The following ADGRA3 variants were observed in gnomAD, a reference collection of about 807,000 sequenced individuals.
ADGRA3 encodes adhesion G protein-coupled receptor A3.
A neutral mutation model predicts 119.8 loss-of-function variants in ADGRA3; 56 were observed. That is an observed-to-expected ratio of 0.47 (90% CI 0.38 to 0.58). ADGRA3 has a LOEUF of 0.58. ADGRA3 is among the 20% of genes least tolerant of loss of function. ADGRA3 has a pLI of 0.00. For synonymous variants in ADGRA3, 607 were observed against 623.8 expected, an observed-to-expected ratio of 0.97 and a Z score of 0.40; for missense variants, 1,516 against 1,649.0, an observed-to-expected ratio of 0.92 and a Z score of 1.40.
intron 1 of ADGRA3, among the ~76,000 whole-genome samples, chr4:22,512,129 G>T (rs1366342309): frequency 6.6e-6 from 1 of 151,794 alleles, no homozygotes. Context: ...TCGAACTCCC[G>T]GTCTCAAGTG....
intron 2 of ADGRA3, among the ~76,000 whole-genome samples, chr4:22,470,766 A>T (rs1319336068): frequency 6.6e-6 from 1 of 152,174 alleles, no homozygotes; most frequent in Non-Finnish European, 1.5e-5. Context: ...TCAGGGGGTG[A>T]CCCCAGAATG....
In ADGRA3 at chr4:22,407,266, G is replaced by T. The variant is rs971311593; in HGVS notation, c.2233-4467C>A. 6.6e-5 allele frequency among the ~76,000 whole-genome samples: 10 copies of T among 152,070 alleles called. No individual in the cohort carries two copies. The East Asian group carries it at 1.7e-3, about 26-fold the overall frequency. On this transcript the variant is annotated intron_variant, in intron 14 of 18. Transcript: ENST00000334304. Reference sequence around the variant, plus strand: ...AGCCTGGGCGACAGAGCAAGACTCCGCCTCAAAAAGAAAAAGAATATAAAA... The same window carrying T: ...AGCCTGGGCGACAGAGCAAGACTCCTCCTCAAAAAGAAAAAGAATATAAAA...
Position 22,435,396 on chromosome 4 carries a change from T to G in ADGRA3, c.1358A>C (p.Asn453Thr), listed in dbSNP as rs750997181. 1.9e-6 allele frequency: 3 copies of G among 1,613,682 alleles called. No individual in the cohort carries two copies. Reference protein sequence around the residue: ...QLLAYTVEAANFSDKMDVIFV... With the variant: ...QLLAYTVEAATFSDKMDVIFV... ...TATAACATCCATTTTGTCAGAAAAG[T>G]TGGCTGCTTCCACAGTGTAAGCCAG... The change falls in exon 10 of 19, where the codon AAC (asparagine) becomes ACC (threonine). Residue 453 changes from asparagine (N) to threonine (T), a missense_variant. Asn to Thr is a moderately conservative substitution (Grantham distance 65, BLOSUM62 0). Around this residue, in one of 2 missense-constraint regions of ADGRA3, gnomAD observed 1,088 missense variants for 1,107.1 expected, o/e 0.98. Coordinates refer to ENST00000334304, the MANE Select transcript of ADGRA3 (RefSeq NM_145290.4).
intron 1 of ADGRA3, among the ~76,000 whole-genome samples, chr4:22,501,908 A>G (rs551259218): frequency 1.5e-5 from 2 of 131,358 alleles, no homozygotes; most frequent in African/African-American, 5.9e-5. Context: ...CCCTGAGGGA[A>G]GAACTCGAAT....
intron 2 of ADGRA3, among the ~76,000 whole-genome samples, chr4:22,472,356 C>T (rs144052798): frequency 0.014 from 2,134 of 152,268 alleles, 19 homozygotes; most frequent in Non-Finnish European, 0.023. Context: ...AATGTCCATT[C>T]CTGAACCAGC....
chr4:22,415,854 CA>C (rs910718113), intron 12 of ADGRA3, among the ~76,000 whole-genome samples: 3 of 151,638 alleles, frequency 2.0e-5, no homozygotes, highest in African/African-American at 7.3e-5. Flanking sequence ...AAACAATGTA[CA>C]AAAAACCAGG....
rs553984951 is a variant in ADGRA3, at chr4:22,389,098, T to A, written c.2713A>T (p.Asn905Tyr). 2.5e-6 allele frequency: 4 copies of A among 1,613,952 alleles called. No homozygotes were observed. Among genetic ancestry groups the A allele is most frequent in the Non-Finnish European group, 3.4e-6 (4 of 1,179,848 alleles). Residue 905 changes from asparagine to tyrosine, a missense_variant, in exon 18 of 19, where the codon AAC (asparagine) becomes TAC (tyrosine). Asn to Tyr is a moderately radical substitution (Grantham distance 143). Around this residue, in one of 2 missense-constraint regions of ADGRA3, gnomAD observed 1,088 missense variants for 1,107.1 expected, o/e 0.98. Transcript: ENST00000334304. ...ANIKNYGSRP[N>Y]APYCWMAWEP... ...ATATAAAATACTCACTAGGGTGCGT[T>A]TGGCCGACTGCCGTAATTCTTAATG...
At chr4:22,409,276 C>A (rs79128805) in intron 14 of ADGRA3, among the ~76,000 whole-genome samples, 2 of 152,138 alleles carry the variant, frequency 1.3e-5, no homozygotes, top group Non-Finnish European at 1.5e-5. Flanking sequence ...CTCACAGATG[C>A]TCAATTAAAT....
chr4:22,484,239 A>T (rs1461901396), intron 1 of ADGRA3, among the ~76,000 whole-genome samples: 1 of 152,204 alleles, frequency 6.6e-6, no homozygotes, highest in Non-Finnish European at 1.5e-5. Context: ...CTGGGTAAAA[A>T]ATATACAGAG....
intron 2 of ADGRA3, among the ~76,000 whole-genome samples, chr4:22,466,281 A>C (rs1717654416): frequency 6.6e-6 from 1 of 152,104 alleles, no homozygotes; most frequent in Non-Finnish European, 1.5e-5. Flanking sequence ...AGATGTTTCT[A>C]GAAAGGGTAT....
At chr4:22,438,526 G>C (rs1450668118) in intron 7 of ADGRA3, 106 bp from the exon 8 acceptor site, 1 of 829,046 alleles carries the variant, frequency 1.2e-6, no homozygotes, top group African/African-American at 1.7e-5. Flanking sequence ...AATGCATATT[G>C]TGGGGTAAGC....
At chr4:22,489,517 C>T (rs929441228) in intron 1 of ADGRA3, among the ~76,000 whole-genome samples, 3 of 151,854 alleles carry the variant, frequency 2.0e-5, no homozygotes, top group Non-Finnish European at 2.9e-5. Context: ...TAAATATGTA[C>T]ATGAGCAAAA....
chr4:22,465,838 A>G (rs147515815), intron 2 of ADGRA3, among the ~76,000 whole-genome samples: 2 of 152,298 alleles, frequency 1.3e-5, no homozygotes, highest in Non-Finnish European at 2.9e-5. Flanking sequence ...AACACACTGA[A>G]AAGTTGGCCA....
In ADGRA3 at chr4:22,400,395, T is replaced by C. The variant is rs116965382; in HGVS notation, c.2481+1036A>G. ...AAGAGGAAAATCATATTCACCAACA[T>C]AGATGAACGTTGAAACATTATGCTA... On this transcript the variant is annotated intron_variant, in intron 16 of 18. Coordinates refer to ENST00000334304, the MANE Select transcript of ADGRA3 (RefSeq NM_145290.4). 3.9e-4 allele frequency among the ~76,000 whole-genome samples: 60 copies of C among 152,206 alleles called. No homozygotes were observed. In the East Asian group the frequency reaches 0.01, roughly 26 times the overall value.
intron 14 of ADGRA3, among the ~76,000 whole-genome samples, chr4:22,407,958 G>A (rs1715010624): frequency 6.6e-6 from 1 of 152,116 alleles, no homozygotes; most frequent in African/African-American, 2.4e-5. Context: ...GGCATCCTGT[G>A]TGTAAGGGAA....
Position 22,515,804 on chromosome 4 carries a change from G to T in ADGRA3, c.-20C>A. ...CTCCATGCTGCGGGCCGGGGCCTGC[G>T]GGGCGAGCGGCGGCGCACTGGCCTA... On this transcript the variant is annotated 5_prime_UTR_variant, in exon 1 of 19. Coordinates refer to ENST00000334304, the MANE Select transcript of ADGRA3 (RefSeq NM_145290.4). 2.0e-6 allele frequency: 2 copies of T among 994,742 alleles called. No individual in the cohort carries two copies. The highest frequency in any genetic ancestry group is 2.4e-6 in the Non-Finnish European group (2 of 839,418). The allele number at this position is 994,742 out of a possible 1,614,324, so 61.6% of individuals were successfully genotyped here. A position where few individuals can be genotyped will look rare whatever the true frequency, so the allele number is the denominator to read the frequency against.
Position 22,438,403 on chromosome 4 carries a change from T to G in ADGRA3, c.938A>C (p.Asn313Thr). The part of the protein sequence containing the change: ...SLIASALTIS[N>T]IQAGSTGNWG... The stretch of plus-strand genomic sequence containing the variant: ...ATTTCCAGTAGATCCAGCCTGAATA[T>G]TAGAAATGGTTAGGGCACTGCATAA... The change falls in exon 8 of 19, where the codon AAT becomes ACT. Residue 313 changes from asparagine to threonine, a missense_variant. Physicochemically the swap from Asn to Thr is moderately conservative, Grantham distance 65. This residue lies in a region of ADGRA3 where 428 missense variants were observed against 541.9 expected (regional missense o/e 0.79). Coordinates refer to ENST00000334304, the MANE Select transcript of ADGRA3 (RefSeq NM_145290.4). 6.2e-7 allele frequency: 1 copy of G among 1,613,690 alleles called. No individual in the cohort carries two copies. The highest frequency in any genetic ancestry group is 8.5e-7 in the Non-Finnish European group (1 of 1,179,760).
intron 1 of ADGRA3, among the ~76,000 whole-genome samples, chr4:22,508,246 G>A (rs1466744018): frequency 6.6e-6 from 1 of 152,190 alleles, no homozygotes; most frequent in Non-Finnish European, 1.5e-5. Flanking sequence ...TGAAGAGTTC[G>A]TAGCAGCTGA....
At chr4:22,502,710 C>G (rs776884003) in intron 1 of ADGRA3, among the ~76,000 whole-genome samples, 22 of 151,356 alleles carry the variant, frequency 1.5e-4, no homozygotes, top group Non-Finnish European at 2.9e-4. Context: ...TAGGTGGGAA[C>G]TGGATCAAGA....
Sources: allele counts gnomAD v4.1 joint callset (sites outside exome capture counted in the v4.1 genomes callset), GRCh38; gene constraint gnomAD v4.1.1; regional missense constraint gnomAD v4.1.1; transcripts MANE v1.5; gene names NCBI Gene and HGNC (gene_info 2026-07-23, HGNC 2026-07-21).